Variants in TULP4 observed in about 807,000 individuals in gnomAD.
TULP4 encodes TUB like protein 4, also known as tubby-related protein 4.
In TULP4, 16 loss-of-function variants were observed where a neutral mutation model predicts 129.0. That is an observed-to-expected ratio of 0.12 (90% CI 0.08 to 0.19). TULP4 has a LOEUF of 0.19. Ranked by LOEUF, TULP4 falls within the 10% of genes least tolerant of loss-of-function variation. The pLI is 1.00. For synonymous variants in TULP4, 998 were observed against 854.0 expected, an observed-to-expected ratio of 1.17 and a Z score of -2.94; for missense variants, 1,842 against 2,059.1, an observed-to-expected ratio of 0.89 and a Z score of 2.04.
intron 6 of TULP4, among the ~76,000 whole-genome samples, chr6:158,466,823 G>C (rs1779562692): frequency 6.6e-6 from 1 of 151,818 alleles, no homozygotes; most frequent in African/African-American, 2.4e-5. Flanking sequence ...TTTACCTGGT[G>C]CTTTGATAAC....
chr6:158,486,104 G>T (rs2128252819), intron 8 of TULP4, among the ~76,000 whole-genome samples: 1 of 152,304 alleles, frequency 6.6e-6, no homozygotes, highest in East Asian at 1.9e-4. Context: ...ACATGAATCT[G>T]AGAGTGGCCA....
intron 1 of TULP4, among the ~76,000 whole-genome samples, chr6:158,409,911 A>C (rs977221448): frequency 2.6e-5 from 4 of 151,858 alleles, no homozygotes; most frequent in Non-Finnish European, 5.9e-5. Context: ...GCTGGAGTGC[A>C]GTGGCATGAT....
At chr6:158,365,445 G>GT (rs572711009) in intron 1 of TULP4, among the ~76,000 whole-genome samples, 155 of 143,336 alleles carry the variant, frequency 1.1e-3, no homozygotes, top group African/African-American at 2.4e-3. Context: ...CTCTTTGGAA[G>GT]TTTTTTTTTT....
intron 1 of TULP4, among the ~76,000 whole-genome samples, chr6:158,250,910 A>G (rs894562472): frequency 3.9e-5 from 6 of 152,224 alleles, no homozygotes; most frequent in Admixed American, 6.5e-5. Flanking sequence ...GTTTAAGCCA[A>G]TGACTTCCCC....
chr6:158,496,612 C>T (rs988395718), intron 11 of TULP4, among the ~76,000 whole-genome samples: 1 of 152,136 alleles, frequency 6.6e-6, no homozygotes, highest in Non-Finnish European at 1.5e-5. Context: ...CGTTAGTGCC[C>T]TATTGATTAG....
chr6:158,341,109 G>T (rs1444720937), intron 1 of TULP4, among the ~76,000 whole-genome samples: 1 of 151,940 alleles, frequency 6.6e-6, no homozygotes, highest in Non-Finnish European at 1.5e-5. Flanking sequence ...CCAGCTTCTG[G>T]TAACTGTCAT....
chr6:158,286,163 T>G lies in TULP4; in HGVS notation n.116+3785T>G, dbSNP rs187942140. ...GTTGCAATTCATTCAATTCAGTTTT[T>G]TTTGGAAAGAACTTGAAATTGTAAG... On this transcript the variant is annotated intron_variant and non_coding_transcript_variant, in intron 1 of 1. Coordinates refer to the TULP4 transcript ENST00000432358. 1.7e-4 allele frequency among the ~76,000 whole-genome samples: 26 copies of G among 152,360 alleles called. No homozygotes were observed. In the East Asian group the frequency reaches 5.0e-3, roughly 29 times the overall value.
At chr6:158,428,469 G>A (rs1245652484) in intron 2 of TULP4, 1 of 152,158 alleles carries the variant, frequency 6.6e-6, no homozygotes, top group Non-Finnish European at 1.5e-5. Context: ...TTGGACTCTG[G>A]TAGGTATGCA....
chr6:158,235,704 T>C (rs1263281751), intron 1 of TULP4, among the ~76,000 whole-genome samples: 9 of 152,208 alleles, frequency 5.9e-5, no homozygotes. Flanking sequence ...ATACCACATT[T>C]TGTTGATAAA....
chr6:158,439,959 C>A (rs1292422587), intron 3 of TULP4, among the ~76,000 whole-genome samples: 1 of 151,726 alleles, frequency 6.6e-6, no homozygotes, highest in African/African-American at 2.4e-5. Flanking sequence ...GATCTGCCCG[C>A]CTCAGCCTCC....
rs142105427 is a variant in TULP4, at chr6:158,466,583, T to C, written c.1026+4854T>C. On this transcript the variant is annotated intron_variant, in intron 6 of 13. Coordinates refer to ENST00000367097, the MANE Select transcript of TULP4 (RefSeq NM_020245.5). Reference sequence around the variant, plus strand: ...TAAGAAGTAGGATTAAACTGTGTCTTTGGGCAGTATAATATTTTGAGCAAA... The same window carrying C: ...TAAGAAGTAGGATTAAACTGTGTCTCTGGGCAGTATAATATTTTGAGCAAA... Among the ~76,000 whole-genome samples the C allele has an allele frequency of 6.8e-4, 103 of 152,308 alleles. 1 individual carries two copies. The highest frequency in any genetic ancestry group is 2.2e-3 in the African/African-American group (92 of 41,562).
chr6:158,306,479 G>A (rs1779218207), intron 1 of TULP4, among the ~76,000 whole-genome samples: 2 of 152,240 alleles, frequency 1.3e-5, no homozygotes. Flanking sequence ...GATTGCTTGA[G>A]CCTAGTTCGA....
intron 1 of TULP4, chr6:158,238,279 C>T (rs1777760630): frequency 8.8e-7 from 1 of 1,133,598 alleles, no homozygotes; most frequent in Admixed American, 1.7e-5. Context: ...TTGTGTGCTG[C>T]TTTTCACGCA....
chr6:158,479,513 T>G lies in TULP4; in HGVS notation c.1027-238T>G, dbSNP rs116443103. Among the ~76,000 whole-genome samples, 502 of 152,280 alleles carry G rather than the reference T, an allele frequency of 3.3e-3. 1 individual carries two copies. Among genetic ancestry groups the G allele is most frequent in the African/African-American group, 0.012 (484 of 41,556 alleles). On this transcript the variant is annotated intron_variant, in intron 6 of 13. Coordinates refer to ENST00000367097, the MANE Select transcript of TULP4 (RefSeq NM_020245.5). The stretch of plus-strand genomic sequence containing the variant: ...CCTGGCCTCATGCAATCTTCCCACC[T>G]TGGCCTTCTAAAATGCTGAGATGAC...
At chr6:158,278,835 G>C (rs1023911481), upstream of TULP4, among the ~76,000 whole-genome samples, 6 of 152,170 alleles carry the variant, frequency 3.9e-5, no homozygotes, top group African/African-American at 1.4e-4. Context: ...GAGAGCTGGA[G>C]GTAAGTTGCA....
At chr6:158,467,705 C>G (rs1482053226) in intron 6 of TULP4, among the ~76,000 whole-genome samples, 1 of 152,228 alleles carries the variant, frequency 6.6e-6, no homozygotes. Context: ...TTAAAAAGAT[C>G]ACCATAATCT....
At chr6:158,475,179 G>A (rs1173026625) in intron 6 of TULP4, among the ~76,000 whole-genome samples, 3 of 152,242 alleles carry the variant, frequency 2.0e-5, no homozygotes, top group Non-Finnish European at 4.4e-5. Flanking sequence ...GGCAGGGCTG[G>A]CCCGCATCTT....
chr6:158,479,849 C>T lies in TULP4; in HGVS notation c.1125C>T (p.Ser375=), dbSNP rs1042660581. ...TGGTGCGTGTGGAGCACCGGGTGTC[C>T]AGCCTGCAGCTGCTGTGCCAGCAGG... is the stretch of plus-strand genomic sequence containing the variant. The part of the protein sequence containing the change: ...LYVVRVEHRV[S]SLQLLCQQAI... The change falls in exon 7 of 14, where the codon TCC becomes TCT. Residue 375 remains serine, a synonymous_variant. Transcript: ENST00000367097. 4.3e-6 allele frequency: 7 copies of T among 1,613,988 alleles called. No individual in the cohort carries two copies. Among genetic ancestry groups the T allele is most frequent in the East Asian group, 2.2e-5 (1 of 44,884 alleles).
chr6:158,235,137 C>T (rs1029382896), intron 1 of TULP4, among the ~76,000 whole-genome samples: 1 of 151,492 alleles, frequency 6.6e-6, no homozygotes, highest in South Asian at 2.1e-4. Context: ...GAGGTTGCAC[C>T]ACTGCACTCC....
Sources: gnomAD v4.1 joint callset for allele counts (sites outside exome capture counted in the v4.1 genomes callset) on GRCh38, gnomAD v4.1.1 for gene constraint, MANE v1.5 for transcripts, NCBI Gene and HGNC (gene_info 2026-07-23, HGNC 2026-07-21) for gene names.